CMC2: variants seen among roughly 807,000 people sequenced by gnomAD.
The protein encoded by CMC2 is C-X9-C motif containing 2, also known as COX assembly mitochondrial protein 2 homolog.
CMC2 carries 5 observed loss-of-function variants against 7.5 expected under a neutral mutation model. The ratio of observed to expected loss-of-function variants is 0.66; its 90% CI spans 0.35 to 1.40. The LOEUF (loss-of-function observed/expected upper bound fraction) is 1.40. Among genes scored for constraint, CMC2 ranks in the 40% most tolerant of loss-of-function variants. CMC2 has a pLI of 0.04. For missense variants in CMC2, 115 were observed against 92.3 expected, an observed-to-expected ratio of 1.25 and a Z score of -1.01; for synonymous variants, 37 against 31.4, an observed-to-expected ratio of 1.18 and a Z score of -0.60.
Position 80,990,350 on chromosome 16 carries a change from G to C in CMC2, c.81+6964C>G, listed in dbSNP as rs144919350. Among the ~76,000 whole-genome samples, 284 of 151,998 alleles carry C rather than the reference G, an allele frequency of 1.9e-3. 2 individuals are homozygous for C. The highest frequency in any genetic ancestry group is 6.3e-3 in the African/African-American group (261 of 41,452). ...CACGCACAGCTAATTTTTTATTTTT[G>C]GTAGAGATGAAGTTTTGTGATGTTG... On this transcript the variant is annotated intron_variant, in intron 2 of 3. Transcript: ENST00000219400.
chr16:81,004,649 A>C (rs956651069), intron 1 of CMC2, among the ~76,000 whole-genome samples: 1 of 152,228 alleles, frequency 6.6e-6, no homozygotes, highest in Non-Finnish European at 1.5e-5. Context: ...GGGGCCCATA[A>C]GGGCAATTTT....
At chr16:80,985,127 G>C (rs1025522891) in intron 2 of CMC2, among the ~76,000 whole-genome samples, 1 of 152,236 alleles carries the variant, frequency 6.6e-6, no homozygotes, top group African/African-American at 2.4e-5. Context: ...TACATAGTCA[G>C]AGGGAAAGAG....
chr16:80,992,885 T>C (rs1299745116), intron 2 of CMC2, among the ~76,000 whole-genome samples: 1 of 152,102 alleles, frequency 6.6e-6, no homozygotes, highest in Non-Finnish European at 1.5e-5. Context: ...AGAGACAGGA[T>C]CTTGCTATGT....
intron 2 of CMC2, chr16:80,991,731 G>C: frequency 3.1e-6 from 1 of 321,514 alleles, no homozygotes; most frequent in South Asian, 2.5e-5. Flanking sequence ...GTAGTATGCA[G>C]CCTTGATGAA....
chr16:81,006,802 G>T lies in CMC2; in HGVS notation c.-104C>A. ...GCGGAGACGCCCGACCCGAAGGCCG[G>T]CTGCTAGGGAGCAGACAGCTGAACC... is the stretch of plus-strand genomic sequence containing the variant. On this transcript the variant is annotated 5_prime_UTR_variant, in exon 1 of 4. Transcript: ENST00000219400. 1 of 985,648 alleles carries T rather than the reference G, an allele frequency of 1.0e-6. No individual in the cohort carries two copies. The highest frequency in any genetic ancestry group is 1.2e-6 in the Non-Finnish European group (1 of 830,114). 61.1% of individuals were successfully genotyped at this position (985,648 alleles called of 1,614,324 possible).
Position 80,972,445 on chromosome 16 carries a change from C to G in CMC2, c.*3648G>C, listed in dbSNP as rs1007296287. 5 of 152,050 alleles carry G rather than the reference C, an allele frequency of 3.3e-5. No individual in the cohort carries two copies. The highest frequency in any genetic ancestry group is 1.2e-4 in the African/African-American group (5 of 41,386). The allele number at this position is 152,050 out of a possible 1,614,324, so 9.4% of individuals were successfully genotyped here. ...GATCAATGGCATAATTTGGTTCAGC[C>G]CAAGCCCTTTCTATAGAAAACTAAT... On this transcript the variant is annotated 3_prime_UTR_variant, in exon 4 of 4. Coordinates refer to ENST00000219400, the MANE Select transcript of CMC2 (RefSeq NM_020188.5).
intron 1 of CMC2, among the ~76,000 whole-genome samples, chr16:81,003,636 T>C (rs1969025301): frequency 6.6e-6 from 1 of 152,238 alleles, no homozygotes; most frequent in Non-Finnish European, 1.5e-5. Context: ...AGTTTGTGAA[T>C]GAAATACATT....
At chr16:80,978,357 T>C (rs182038627) in intron 3 of CMC2, 1 of 1,264,452 alleles carries the variant, frequency 7.9e-7, no homozygotes, top group Middle Eastern at 2.2e-4. Context: ...CAAAGCAAAT[T>C]AAAATATAGT....
At chr16:80,991,570 GGTTGAAGCTGCA>G (rs1967995196) in intron 2 of CMC2, among the ~76,000 whole-genome samples, 3 of 151,954 alleles carry the variant, frequency 2.0e-5, no homozygotes, top group African/African-American at 7.3e-5. Context: ...AGGCCCAGGA[GGTTGAAGCTGCA>G]GTAAGCCAAA....
rs1277757500 is a variant in CMC2 at position 80,969,977 on chromosome 16, T to A, written c.*6116A>T. The A allele has an allele frequency of 6.6e-6, 1 of 152,170 alleles. No homozygotes were observed. The highest frequency in any genetic ancestry group is 2.4e-5 in the African/African-American group (1 of 41,438). The allele number at this position is 152,170 out of a possible 1,614,324, so 9.4% of individuals were successfully genotyped here. A position where few individuals can be genotyped will look rare whatever the true frequency, so the allele number is the denominator to read the frequency against. On this transcript the variant is annotated 3_prime_UTR_variant, in exon 4 of 4. Coordinates refer to ENST00000219400, the MANE Select transcript of CMC2 (RefSeq NM_020188.5). ...GAAAATGAGGCTCAGACAACCAAAA[T>A]GACTAGGGAGATATTAACACAAGAC...
Position 80,974,939 on chromosome 16 carries a change from C to T in CMC2, c.*1154G>A, listed in dbSNP as rs2151608657. ...AATACCTCCTGTGATGGGGAAGTCA[C>T]TTATTAAACACCAACACCAACAAGG... On this transcript the variant is annotated 3_prime_UTR_variant, in exon 4 of 4. Transcript: ENST00000219400. 6.6e-6 allele frequency: 1 copy of T among 152,370 alleles called. No homozygotes were observed. Among genetic ancestry groups the T allele is most frequent in the Admixed American group, 6.5e-5 (1 of 15,300 alleles). 9.4% of individuals were successfully genotyped at this position (152,370 alleles called of 1,614,324 possible). A position where few individuals can be genotyped will look rare whatever the true frequency, so the allele number is the denominator to read the frequency against.
intron 2 of CMC2, among the ~76,000 whole-genome samples, chr16:80,988,182 C>G (rs79531467): frequency 0.037 from 5,648 of 152,124 alleles, 341 homozygotes; most frequent in African/African-American, 0.12. Flanking sequence ...AGACATCCTC[C>G]CGATAAACTT....
chr16:80,969,069 GTAAGT>G lies in CMC2; in HGVS notation c.*7019_*7023del, dbSNP rs1911743660. 1.3e-5 allele frequency: 2 copies of G among 152,238 alleles called. No individual in the cohort carries two copies. The highest frequency in any genetic ancestry group is 2.9e-5 in the Non-Finnish European group (2 of 68,042). The allele number at this position is 152,238 out of a possible 1,614,324, so 9.4% of individuals were successfully genotyped here. On this transcript the variant is annotated 3_prime_UTR_variant, in exon 4 of 4. Transcript: ENST00000219400. Reference sequence around the variant, plus strand: ...AGCAGAAAAAATATGTTTCCCATTGGTAAGTTAAGTGTGTGTGTCAGAAAGTTACT... The same window carrying G: ...AGCAGAAAAAATATGTTTCCCATTGGTAAGTGTGTGTGTCAGAAAGTTACT...
rs896465071 is a variant in CMC2 at position 80,972,099 on chromosome 16, C to T, written c.*3994G>A. Reference sequence around the variant, plus strand: ...GGCCCCACAGGCCTCTAGCCCAGGCCACCTGCTCCATCTGATACCAGAGGC... The same window carrying T: ...GGCCCCACAGGCCTCTAGCCCAGGCTACCTGCTCCATCTGATACCAGAGGC... On this transcript the variant is annotated 3_prime_UTR_variant, in exon 4 of 4. Transcript: ENST00000219400. 1 of 152,278 alleles carries T rather than the reference C, an allele frequency of 6.6e-6. No homozygotes were observed. Among genetic ancestry groups the T allele is most frequent in the African/African-American group, 2.4e-5 (1 of 41,446 alleles). 9.4% of individuals were successfully genotyped at this position (152,278 alleles called of 1,614,324 possible). A position where few individuals can be genotyped will look rare whatever the true frequency, so the allele number is the denominator to read the frequency against.
rs1314419058 is a variant in CMC2, at chr16:80,967,563, T to G, written c.*8530A>C. On this transcript the variant is annotated 3_prime_UTR_variant, in exon 4 of 4. Coordinates refer to ENST00000219400, the MANE Select transcript of CMC2 (RefSeq NM_020188.5). ...ACCGTGTTAGCCAGGATGGTCTCGA[T>G]CTCCTGACCTCGTGATCCGCCCGCC... 1 of 152,234 alleles carries G rather than the reference T, an allele frequency of 6.6e-6. No individual in the cohort carries two copies. The highest frequency in any genetic ancestry group is 1.5e-5 in the Non-Finnish European group (1 of 68,070). The allele number at this position is 152,234 out of a possible 1,614,324, so 9.4% of individuals were successfully genotyped here.
rs903247252 is a variant in CMC2 at position 80,968,811 on chromosome 16, C to G, written c.*7282G>C. 26 of 152,174 alleles carry G rather than the reference C, an allele frequency of 1.7e-4. 1 individual carries two copies. Among genetic ancestry groups the G allele is most frequent in the African/African-American group, 6.3e-4 (26 of 41,422 alleles). 9.4% of individuals were successfully genotyped at this position (152,174 alleles called of 1,614,324 possible). On this transcript the variant is annotated 3_prime_UTR_variant, in exon 4 of 4. Coordinates refer to ENST00000219400, the MANE Select transcript of CMC2 (RefSeq NM_020188.5). ...ACTGTAAACCAGAAAGTAAGTGCAT[C>G]AGCACATGCTATGCAGCCTAGACCA...
chr16:80,999,822 G>A (rs1025937817), intron 1 of CMC2, among the ~76,000 whole-genome samples: 1 of 152,156 alleles, frequency 6.6e-6, no homozygotes, highest in Non-Finnish European at 1.5e-5. Flanking sequence ...TTCAATAAAT[G>A]GTGCTGGGAT....
intron 2 of CMC2, among the ~76,000 whole-genome samples, chr16:80,985,911 A>AAAAC (rs1555514468): frequency 6.6e-6 from 1 of 151,550 alleles, no homozygotes. Context: ...CAAAAAAAAA[A>AAAAC]AAAAAAACCA....
At chr16:81,002,294 T>C (rs574224542) in intron 1 of CMC2, among the ~76,000 whole-genome samples, 20 of 152,104 alleles carry the variant, frequency 1.3e-4, no homozygotes, top group Middle Eastern at 6.8e-3. Context: ...GGCGTGTTGG[T>C]GGGCGCCTGT....
Sources: allele counts gnomAD v4.1 joint callset (sites outside exome capture counted in the v4.1 genomes callset), GRCh38; gene constraint gnomAD v4.1.1; transcripts MANE v1.5; gene names NCBI Gene and HGNC (gene_info 2026-07-23, HGNC 2026-07-21).